Variants in FAAH2 observed in about 807,000 individuals in gnomAD.
FAAH2 encodes the protein fatty-acid amide hydrolase 2.
FAAH2 carries 60 observed loss-of-function variants against 36.9 expected under a neutral mutation model. The ratio of observed to expected loss-of-function variants is 1.63; its 90% CI spans 1.32 to 2.02. FAAH2 has a LOEUF of 2.02. Ranked by LOEUF, FAAH2 falls within the 30% of genes most tolerant of loss-of-function variation. The pLI is 0.00. For synonymous variants in FAAH2, 214 were observed against 143.8 expected (o/e 1.49, Z -3.49); for missense variants, 689 against 397.5 (o/e 1.73, Z -6.23).
chrX:57,480,256 A>T (rs908228699), intron 10 of FAAH2, among the ~76,000 whole-genome samples: 2 of 111,855 alleles, frequency 1.8e-5, no homozygotes, highest in African/African-American at 6.5e-5. Context: ...TTCCTAACTC[A>T]TTTTATGGGG....
intron 10 of FAAH2, among the ~76,000 whole-genome samples, chrX:57,478,017 C>G (rs2057304576): frequency 8.9e-6 from 1 of 111,882 alleles, no homozygotes; most frequent in Non-Finnish European, 1.9e-5. Context: ...AATGGGATGG[C>G]TGAGTCAAAT....
chrX:57,340,744 G>A (rs1744683147), intron 4 of FAAH2, among the ~76,000 whole-genome samples: 1 of 111,179 alleles, frequency 9.0e-6, no homozygotes, highest in Non-Finnish European at 1.9e-5. Context: ...GGAGCTGAAT[G>A]ATTAGAACAC....
intron 10 of FAAH2, among the ~76,000 whole-genome samples, chrX:57,457,877 G>A (rs2056889395): frequency 9.0e-6 from 1 of 111,316 alleles, no homozygotes; most frequent in Non-Finnish European, 1.9e-5. Flanking sequence ...ACTGCCCAAA[G>A]CAATTTACAG....
chrX:57,282,217 C>A (rs1044799757), upstream of FAAH2, among the ~76,000 whole-genome samples: 1 of 112,004 alleles, frequency 8.9e-6, no homozygotes, highest in East Asian at 2.8e-4. Flanking sequence ...TTCTGTACAA[C>A]CTCACCAGCA....
chrX:57,361,666 T>C (rs968031008), intron 5 of FAAH2, among the ~76,000 whole-genome samples: 2 of 111,546 alleles, frequency 1.8e-5, no homozygotes, highest in Non-Finnish European at 3.8e-5. Flanking sequence ...ATTATATATA[T>C]ATTTTTTTAA....
chrX:57,461,204 TGGGA>T (rs2056952566), intron 10 of FAAH2, among the ~76,000 whole-genome samples: 1 of 110,373 alleles, frequency 9.1e-6, no homozygotes, highest in African/African-American at 3.3e-5. Context: ...ACAATAATAG[TGGGA>T]GACTTTAACA....
intron 3 of FAAH2, among the ~76,000 whole-genome samples, chrX:57,324,719 A>G (rs1325934611): frequency 1.8e-5 from 2 of 112,312 alleles, no homozygotes; most frequent in Non-Finnish European, 3.8e-5. Context: ...GAAGTTGCTT[A>G]TCAGCTTAAG....
At chrX:57,376,187 T>G (rs1018303663) in intron 5 of FAAH2, among the ~76,000 whole-genome samples, 8 of 111,441 alleles carry the variant, frequency 7.2e-5, no homozygotes, top group Non-Finnish European at 1.3e-4. Flanking sequence ...TACTGATCAT[T>G]TTTGTTTTTT....
chrX:57,203,258 A>G, the FAAH2 span, among the ~76,000 whole-genome samples: 1 of 112,294 alleles, frequency 8.9e-6, no homozygotes, highest in African/African-American at 3.2e-5. Context: ...GATGGGCCAA[A>G]ACAAAGGGAT....
chrX:57,241,405 T>C, the FAAH2 span, among the ~76,000 whole-genome samples: 2 of 109,561 alleles, frequency 1.8e-5, no homozygotes, highest in Non-Finnish European at 3.8e-5. Context: ...TCTGACAAAG[T>C]CTAATATGAA....
intron 4 of FAAH2, among the ~76,000 whole-genome samples, chrX:57,340,751 A>G (rs1452907815): frequency 1.8e-5 from 2 of 110,993 alleles, no homozygotes; most frequent in Non-Finnish European, 3.8e-5. Flanking sequence ...AATGATTAGA[A>G]CACATAGACA....
chrX:57,439,917 T>C (rs748636633), intron 8 of FAAH2, among the ~76,000 whole-genome samples: 1 of 111,750 alleles, frequency 8.9e-6, no homozygotes, highest in African/African-American at 3.2e-5. Flanking sequence ...GTTGTAGATA[T>C]GTGGCATTAT....
At chrX:57,381,387 G>C (rs1157458742) in intron 7 of FAAH2, among the ~76,000 whole-genome samples, 1 of 111,483 alleles carries the variant, frequency 9.0e-6, no homozygotes, top group Non-Finnish European at 1.9e-5. Context: ...ATTTTAGCCT[G>C]AGCTTTATTT....
the FAAH2 span, among the ~76,000 whole-genome samples, chrX:57,255,328 G>A: frequency 9.8e-5 from 11 of 111,878 alleles, no homozygotes; most frequent in South Asian, 1.1e-3. Context: ...CAGATTCACA[G>A]CCAAATTCTA....
At chrX:57,446,767 CTG>C (rs1177220096) in intron 8 of FAAH2, among the ~76,000 whole-genome samples, 159 bp from the exon 9 acceptor site, 1 of 112,004 alleles carries the variant, frequency 8.9e-6, no homozygotes, top group African/African-American at 3.2e-5. Flanking sequence ...CTTTGTGTGA[CTG>C]AGTAATATTT....
intron 8 of FAAH2, among the ~76,000 whole-genome samples, chrX:57,442,511 G>T (rs182944559): frequency 9.0e-6 from 1 of 110,975 alleles, no homozygotes; most frequent in African/African-American, 3.3e-5. Flanking sequence ...GTCTCTGCAT[G>T]TGATATGGGT....
At chrX:57,324,166 T>A (rs1217066186) in intron 3 of FAAH2, among the ~76,000 whole-genome samples, 2 of 111,784 alleles carry the variant, frequency 1.8e-5, no homozygotes, top group African/African-American at 6.5e-5. Context: ...TGTGGCATTA[T>A]TTCTGAGGGC....
chrX:57,426,993 C>A (rs933042425), intron 7 of FAAH2, among the ~76,000 whole-genome samples: 3 of 110,850 alleles, frequency 2.7e-5, no homozygotes, highest in African/African-American at 9.8e-5. Context: ...ACAGAACTCT[C>A]TCTAGAATAA....
intron 7 of FAAH2, among the ~76,000 whole-genome samples, chrX:57,410,941 G>T (rs1473745327): frequency 9.0e-6 from 1 of 111,022 alleles, no homozygotes; most frequent in African/African-American, 3.3e-5. Flanking sequence ...ATTTCTTTGG[G>T]GTCAGTCACT....
Sources: gnomAD v4.1 joint callset for allele counts (sites outside exome capture counted in the v4.1 genomes callset) on GRCh38, gnomAD v4.1.1 for gene constraint, MANE v1.5 for transcripts, NCBI Gene and HGNC (gene_info 2026-07-23, HGNC 2026-07-21) for gene names.